The following GFPT2 variants were observed in gnomAD, a reference collection of about 807,000 sequenced individuals.
The protein encoded by GFPT2 is glutamine--fructose-6-phosphate aminotransferase [isomerizing] 2.
GFPT2 carries 62 observed loss-of-function variants against 85.6 expected under a neutral mutation model. The observed-to-expected ratio is 0.72, with a 90% confidence interval of 0.59 to 0.90. The LOEUF is 0.90. GFPT2 is among the 40% of genes least tolerant of loss of function. The pLI, the probability that GFPT2 is intolerant of heterozygous loss-of-function variation, is 0.00. For missense variants in GFPT2, 788 were observed against 893.4 expected, an observed-to-expected ratio of 0.88 and a Z score of 1.50; for synonymous variants, 368 against 344.5, an observed-to-expected ratio of 1.07 and a Z score of -0.75.
intron 16 of GFPT2, 112 bp from the exon 17 acceptor site, chr5:180,305,051 C>A: frequency 1.3e-6 from 1 of 754,240 alleles, no homozygotes; most frequent in Non-Finnish European, 2.3e-6. Flanking sequence ...GGCAGAGAGC[C>A]AAGGGTTGCA....
In GFPT2 at chr5:180,318,471, T is replaced by C; in HGVS notation, c.958+322A>G. 1 of 312,798 alleles carries C rather than the reference T, an allele frequency of 3.2e-6. No homozygotes were observed. Among genetic ancestry groups the C allele is most frequent in the East Asian group, 6.5e-5 (1 of 15,410 alleles). The allele number at this position is 312,798 out of a possible 1,614,324, so 19.4% of individuals were successfully genotyped here. A position where few individuals can be genotyped will look rare whatever the true frequency, so the allele number is the denominator to read the frequency against. On this transcript the variant is annotated intron_variant, in intron 10 of 18. Coordinates refer to ENST00000253778, the MANE Select transcript of GFPT2 (RefSeq NM_005110.4). This position sits in a 1 kb window ranked among gnomAD's most constrained non-coding sequence, Gnocchi z 4.2. ...CCCATTTACTGCAGACCTGCAGACT[T>C]CCACCCAGAGGAGAAATGATGCCTG... is the stretch of plus-strand genomic sequence containing the variant.
At chr5:180,317,576 A>AAG (rs1561875805) in intron 10 of GFPT2, among the ~76,000 whole-genome samples, 1 of 145,736 alleles carries the variant, frequency 6.9e-6, no homozygotes, top group African/African-American at 2.8e-5. Context: ...CGGCTAAAAC[A>AAG]GTGAAACCCC....
intron 13 of GFPT2, 35 bp downstream of exon 13, chr5:180,316,306 G>C (rs548981898): frequency 6.2e-7 from 1 of 1,612,012 alleles, no homozygotes; most frequent in Non-Finnish European, 8.5e-7. Flanking sequence ...GAGCTGACCT[G>C]ATGCAAGGCT....
At chr5:180,322,865 T>G (rs1427010504) in intron 9 of GFPT2, among the ~76,000 whole-genome samples, 1 of 151,784 alleles carries the variant, frequency 6.6e-6, no homozygotes. Flanking sequence ...TGAAACCCCA[T>G]CTCTACTAAA....
At position 180,338,598 on chromosome 5, in the gene GFPT2, T is replaced by C. The variant is rs1764449574; in HGVS notation, c.10A>G (p.Ile4Val). The C allele has an allele frequency of 1.9e-6, 3 of 1,582,128 alleles. No homozygotes were observed. The highest frequency in any genetic ancestry group is 1.3e-5 in the African/African-American group (1 of 74,232). MCG[I>V]FAYMNYRVPR... is the part of the protein sequence containing the mutation. Reference sequence around the variant, plus strand: ...ACTCTGTAGTTCATGTAGGCAAAGATTCCTGTTCAAAGAGAAAAAAATGGT... The same window carrying C: ...ACTCTGTAGTTCATGTAGGCAAAGACTCCTGTTCAAAGAGAAAAAAATGGT... Residue 4 changes from isoleucine (I) to valine (V), a missense_variant and splice_region_variant, in exon 2 of 19, where the codon ATC becomes GTC. Transcript: ENST00000253778.
Position 180,317,594 on chromosome 5 carries a change from C to CGTT in GFPT2, c.959-537_959-536insAAC, listed in dbSNP as rs1261163115. ...CTAAAACAGTGAAACCCCGTCTCTA[C>CGTT]TAAAAATACAAAAAATTAGCCGGGC... is the stretch of plus-strand genomic sequence containing the variant. On this transcript the variant is annotated intron_variant, in intron 10 of 18. Coordinates refer to ENST00000253778, the MANE Select transcript of GFPT2 (RefSeq NM_005110.4). Among the ~76,000 whole-genome samples the CGTT allele has an allele frequency of 1.9e-4, 28 of 147,408 alleles. 1 individual carries two copies. The highest frequency in any genetic ancestry group is 7.2e-4 in the African/African-American group (27 of 37,382).
In GFPT2 at chr5:180,312,419, C is replaced by A; in HGVS notation, c.1546+11G>T. 1 of 1,392,260 alleles carries A rather than the reference C, an allele frequency of 7.2e-7. No homozygotes were observed. The highest frequency in any genetic ancestry group is 1.2e-5 in the South Asian group (1 of 86,558). The allele number at this position is 1,392,260 out of a possible 1,614,324, so 86.2% of individuals were successfully genotyped here. On this transcript the variant is annotated intron_variant, in intron 15 of 18. Coordinates refer to ENST00000253778, the MANE Select transcript of GFPT2 (RefSeq NM_005110.4). ...ATCTGAAAACATGGAAAGCTGAATT[C>A]TAGAACATACCAGGTAAAGATCTCA...
At chr5:180,349,877 TG>T (rs1369188796) in intron 1 of GFPT2, among the ~76,000 whole-genome samples, 124 of 146,228 alleles carry the variant, frequency 8.5e-4, no homozygotes, top group African/African-American at 2.9e-3. Flanking sequence ...TCACAGTGAT[TG>T]TTTTTTTTTT....
At chr5:180,340,202 G>GT (rs1324621446) in intron 1 of GFPT2, among the ~76,000 whole-genome samples, 1 of 150,906 alleles carries the variant, frequency 6.6e-6, no homozygotes, top group East Asian at 1.9e-4. Flanking sequence ...TTTTGTTTTT[G>GT]TTTTTGTTGT....
At position 180,328,071 on chromosome 5, in the gene GFPT2, CT is replaced by C. The variant is rs78612231; in HGVS notation, c.596+205del. On this transcript the variant is annotated intron_variant, in intron 7 of 18. Coordinates refer to ENST00000253778, the MANE Select transcript of GFPT2 (RefSeq NM_005110.4). The surrounding 1 kb of genome is among the most constrained non-coding windows in gnomAD (Gnocchi z 5.4). ...AAACACAAATCCAACTTTCTGGTTT[CT>C]TTTTTTTTTTTTTTAATTCAGAAGT... Among the ~76,000 whole-genome samples, 29,741 of 142,990 alleles carry C rather than the reference CT, an allele frequency of 0.21. 3,261 individuals carry two copies. The highest frequency in any genetic ancestry group is 0.27 in the Non-Finnish European group (17,753 of 65,322). 93.8% of individuals were successfully genotyped at this position (142,990 alleles called of 152,430 possible).
At chr5:180,324,507 G>C in intron 8 of GFPT2, 4 of 584,406 alleles carry the variant, frequency 6.8e-6, no homozygotes, top group South Asian at 2.2e-5. Context: ...AGTGTGAGAG[G>C]AATGCAAACA....
At chr5:180,332,161 G>T (rs1363578422) in intron 4 of GFPT2, among the ~76,000 whole-genome samples, 1 of 151,140 alleles carries the variant, frequency 6.6e-6, no homozygotes, top group African/African-American at 2.4e-5. Flanking sequence ...CACCTCCCCA[G>T]TTCCTGCCGC....
chr5:180,316,331 T>C lies in GFPT2; in HGVS notation c.1273+10A>G, dbSNP rs1313680585. ...GATGCAAGGCTGGCCACAATGCCTG[T>C]GTCCCTTACCTGACTGGCTGATGAA... is the stretch of plus-strand genomic sequence containing the variant. On this transcript the variant is annotated intron_variant, in intron 13 of 18. Transcript: ENST00000253778. 3 of 1,613,916 alleles carry C rather than the reference T, an allele frequency of 1.9e-6. No homozygotes were observed. Among genetic ancestry groups the C allele is most frequent in the African/African-American group, 2.7e-5 (2 of 74,928 alleles).
rs896815250 is a variant in GFPT2, at chr5:180,330,017, A to G, written c.534+683T>C. On this transcript the variant is annotated intron_variant, in intron 6 of 18. Transcript: ENST00000253778. The surrounding 1 kb of genome is among the most constrained non-coding windows in gnomAD (Gnocchi z 4.4). ...CCGTTCCACATACAGACATGCTGTG[A>G]TATCACCTATCACAAAAACAGGCCA... Among the ~76,000 whole-genome samples the G allele has an allele frequency of 2.0e-5, 3 of 152,152 alleles. No homozygotes were observed. The highest frequency in any genetic ancestry group is 4.4e-5 in the Non-Finnish European group (3 of 68,026).
chr5:180,342,357 T>C (rs1393698533), intron 1 of GFPT2, among the ~76,000 whole-genome samples: 1 of 152,084 alleles, frequency 6.6e-6, no homozygotes, highest in African/African-American at 2.4e-5. Context: ...ATTCAGTGGT[T>C]TAGTATATTC....
chr5:180,348,411 G>A (rs1764650719), intron 1 of GFPT2, among the ~76,000 whole-genome samples: 1 of 152,240 alleles, frequency 6.6e-6, no homozygotes, highest in South Asian at 2.1e-4. Context: ...CTCATACACT[G>A]GGAAAGGTCA....
chr5:180,336,683 A>G (rs1764408038), intron 2 of GFPT2, 106 bp from the exon 3 acceptor site: 2 of 786,886 alleles, frequency 2.5e-6, no homozygotes, highest in Admixed American at 3.5e-5. Flanking sequence ...CTGTCCGTTT[A>G]TGGCAGGTTG....
intron 1 of GFPT2, among the ~76,000 whole-genome samples, chr5:180,344,680 T>C (rs1400349319): frequency 6.6e-6 from 1 of 152,116 alleles, no homozygotes; most frequent in Non-Finnish European, 1.5e-5. Context: ...GGTTCTGCTT[T>C]CCACCGGTGC....
chr5:180,304,389 A>G (rs1763737686), intron 17 of GFPT2, among the ~76,000 whole-genome samples: 1 of 152,178 alleles, frequency 6.6e-6, no homozygotes, highest in Non-Finnish European at 1.5e-5. Context: ...GGGCAGTCTT[A>G]TGGAAAGCTG....
Sources: allele counts gnomAD v4.1 joint callset (sites outside exome capture counted in the v4.1 genomes callset), GRCh38; gene constraint gnomAD v4.1.1; non-coding constraint Gnocchi (gnomAD v3.1); transcripts MANE v1.5; gene names NCBI Gene and HGNC (gene_info 2026-07-23, HGNC 2026-07-21).